LRP1B: variants seen among roughly 807,000 people sequenced by gnomAD.
LRP1B encodes LDL receptor related protein 1B, also known as low-density lipoprotein receptor-related protein 1B.
Under a neutral mutation model 556.6 loss-of-function variants are expected in LRP1B, and 217 were observed. That is an observed-to-expected ratio of 0.39 (90% CI 0.35 to 0.44). LRP1B has a LOEUF of 0.44. Among genes scored for constraint, LRP1B ranks in the 20% least tolerant of loss-of-function variants. The pLI is 1.00. For missense variants in LRP1B, 5,053 were observed against 5,620.8 expected (o/e 0.90, Z 3.23); for synonymous variants, 2,047 against 1,865.8 (o/e 1.10, Z -2.50).
chr2:141,033,937 C>A (rs182446616), intron 11 of LRP1B, among the ~76,000 whole-genome samples: 1 of 152,222 alleles, frequency 6.6e-6, no homozygotes, highest in East Asian at 1.9e-4. Flanking sequence ...AACTTCCTCC[C>A]AAGTGAATAG....
intron 58 of LRP1B, 137 bp from the exon 59 acceptor site, chr2:140,485,661 G>T (rs1688435698): frequency 3.4e-6 from 2 of 591,058 alleles, no homozygotes; most frequent in South Asian, 6.1e-5. Context: ...GAGAATAATT[G>T]ACCGCAATAC....
intron 85 of LRP1B, among the ~76,000 whole-genome samples, 175 bp from the exon 86 acceptor site, chr2:140,270,521 G>T (rs1254990698): frequency 6.6e-6 from 1 of 151,882 alleles, no homozygotes; most frequent in Admixed American, 6.6e-5. Flanking sequence ...ATTTATGTCA[G>T]AATGATGTCA....
At chr2:140,263,391 CCTT>C (rs1318883332) in intron 86 of LRP1B, among the ~76,000 whole-genome samples, 1 of 152,106 alleles carries the variant, frequency 6.6e-6, no homozygotes, top group Non-Finnish European at 1.5e-5. Flanking sequence ...CACCCATAAT[CCTT>C]TATAGCAAAT....
intron 1 of LRP1B, among the ~76,000 whole-genome samples, chr2:142,056,502 G>A (rs906676067): frequency 3.3e-5 from 5 of 152,120 alleles, no homozygotes; most frequent in African/African-American, 7.2e-5. Flanking sequence ...AGTCTATTAG[G>A]AAGGGGTGGG....
intron 2 of LRP1B, among the ~76,000 whole-genome samples, chr2:141,634,104 GA>G (rs1472448250): frequency 1.3e-5 from 2 of 151,674 alleles, no homozygotes; most frequent in African/African-American, 2.4e-5. Flanking sequence ...AGCCCATTGG[GA>G]AAATTAGCTC....
At chr2:142,017,662 C>T (rs1419516580) in intron 1 of LRP1B, among the ~76,000 whole-genome samples, 1 of 152,044 alleles carries the variant, frequency 6.6e-6, no homozygotes, top group Admixed American at 6.6e-5. Context: ...ATCACTTGTG[C>T]CCAAGAGTTT....
At chr2:140,584,177 T>C (rs1681890824) in intron 43 of LRP1B, among the ~76,000 whole-genome samples, 1 of 151,990 alleles carries the variant, frequency 6.6e-6, no homozygotes, top group South Asian at 2.1e-4. Context: ...TATAACCTGC[T>C]CAAGAACAAT....
At chr2:141,342,241 C>A (rs1183222012) in intron 3 of LRP1B, among the ~76,000 whole-genome samples, 4 of 74,350 alleles carry the variant, frequency 5.4e-5, no homozygotes, top group Admixed American at 1.2e-4. Flanking sequence ...GAGACTCCAT[C>A]TCAAAAAAAA....
Position 141,034,113 on chromosome 2 carries a change from A to G in LRP1B, c.1790-14011T>C, listed in dbSNP as rs139643451. Among the ~76,000 whole-genome samples the G allele has an allele frequency of 9.8e-3, 1,496 of 152,208 alleles. 25 individuals are homozygous for G. Among genetic ancestry groups the G allele is most frequent in the African/African-American group, 0.033 (1,362 of 41,550 alleles). On this transcript the variant is annotated intron_variant, in intron 11 of 90. Coordinates refer to ENST00000389484, the MANE Select transcript of LRP1B (RefSeq NM_018557.3). Reference sequence around the variant, plus strand: ...ATCTCTTTTAGTTTTTATTAGGATCATGGTGTTCCTCTTTCTCAACTCTTA... The same window carrying G: ...ATCTCTTTTAGTTTTTATTAGGATCGTGGTGTTCCTCTTTCTCAACTCTTA...
chr2:141,017,502 C>A (rs1401985659), intron 12 of LRP1B, among the ~76,000 whole-genome samples: 3 of 151,396 alleles, frequency 2.0e-5, no homozygotes, highest in African/African-American at 4.9e-5. Flanking sequence ...AGAGATAAAT[C>A]TGGATATTCT....
chr2:141,681,514 T>C (rs1691103565), intron 2 of LRP1B, among the ~76,000 whole-genome samples: 1 of 152,118 alleles, frequency 6.6e-6, no homozygotes, highest in African/African-American at 2.4e-5. Context: ...TCCTGTTACT[T>C]TATGTGTGTT....
chr2:142,118,888 ATG>A (rs1246969536), intron 1 of LRP1B, among the ~76,000 whole-genome samples: 1 of 152,132 alleles, frequency 6.6e-6, no homozygotes, highest in East Asian at 1.9e-4. Context: ...AAATTTTGGT[ATG>A]TGTTTCATAT....
At position 141,589,502 on chromosome 2, in the gene LRP1B, C is replaced by T. The variant is rs532136704; in HGVS notation, c.206-108969G>A. Among the ~76,000 whole-genome samples the T allele has an allele frequency of 1.4e-4, 22 of 152,284 alleles. No homozygotes were observed. The East Asian group carries it at 4.2e-3, about 29-fold the overall frequency. On this transcript the variant is annotated intron_variant, in intron 2 of 90. Coordinates refer to ENST00000389484, the MANE Select transcript of LRP1B (RefSeq NM_018557.3). Reference sequence around the variant, plus strand: ...TCTTGCTGACACATTTAACTACTATCATTGCGCAAGTCTTCACAGCCCCAT... The same window carrying T: ...TCTTGCTGACACATTTAACTACTATTATTGCGCAAGTCTTCACAGCCCCAT...
intron 3 of LRP1B, among the ~76,000 whole-genome samples, chr2:141,465,741 G>T (rs1253530977): frequency 1.3e-5 from 2 of 151,840 alleles, no homozygotes; most frequent in African/African-American, 2.4e-5. Flanking sequence ...GTAGAGACAG[G>T]TTTTTTCCAT....
At chr2:140,736,921 C>T (rs1453312077) in intron 35 of LRP1B, among the ~76,000 whole-genome samples, 1 of 152,100 alleles carries the variant, frequency 6.6e-6, no homozygotes, top group African/African-American at 2.4e-5. Context: ...CCATGACTGG[C>T]AAGGTTGAAG....
chr2:141,221,584 A>G (rs1683044689), intron 6 of LRP1B, among the ~76,000 whole-genome samples: 1 of 152,206 alleles, frequency 6.6e-6, no homozygotes, highest in Non-Finnish European at 1.5e-5. Flanking sequence ...TACTTGATAG[A>G]TATCTACAGA....
intron 1 of LRP1B, among the ~76,000 whole-genome samples, chr2:142,090,007 A>G (rs1016895952): frequency 6.6e-6 from 1 of 152,078 alleles, no homozygotes; most frequent in Non-Finnish European, 1.5e-5. Context: ...TTGCTGTCAG[A>G]AAAAAAGTAA....
chr2:141,846,693 G>GA (rs1697656148), intron 1 of LRP1B, among the ~76,000 whole-genome samples: 1 of 151,166 alleles, frequency 6.6e-6, no homozygotes, highest in African/African-American at 2.4e-5. Flanking sequence ...TTTAATGTCT[G>GA]AAAAATCCAT....
At position 142,116,730 on chromosome 2, in the gene LRP1B, T is replaced by G. The variant is rs187476535; in HGVS notation, c.82+13918A>C. 2.0e-5 allele frequency among the ~76,000 whole-genome samples: 3 copies of G among 152,178 alleles called. No individual in the cohort carries two copies. In the East Asian group the frequency reaches 5.8e-4, roughly 29 times the overall value. On this transcript the variant is annotated intron_variant, in intron 1 of 90. Transcript: ENST00000389484. ...TTACAAATTTTCTGTAAGTCTAAAA[T>G]TATATCAAAATATAAAGTTAAAAAA...
Sources: allele counts gnomAD v4.1 joint callset (sites outside exome capture counted in the v4.1 genomes callset), GRCh38; gene constraint gnomAD v4.1.1; transcripts MANE v1.5; gene names NCBI Gene and HGNC (gene_info 2026-07-23, HGNC 2026-07-21).